The following BBX variants were observed in gnomAD, a reference collection of about 807,000 sequenced individuals.
The protein encoded by BBX is BBX high mobility group box domain containing.
In BBX, 30 loss-of-function variants were observed where a neutral mutation model predicts 100.2. The observed-to-expected ratio is 0.30, with a 90% CI of 0.22 to 0.41. BBX has a LOEUF of 0.41. Among genes scored for constraint, BBX ranks in the 10% least tolerant of loss-of-function variants. The probability of loss-of-function intolerance (pLI) is 1.00; values close to 1 mark genes in which losing one functional copy is unlikely to be tolerated. For missense variants in BBX, 1,023 were observed against 1,129.8 expected (o/e 0.91, Z 1.35); for synonymous variants, 376 against 388.1 (o/e 0.97, Z 0.37).
intron 7 of BBX, among the ~76,000 whole-genome samples, chr3:107,743,660 C>T (rs1440593340): frequency 6.6e-6 from 1 of 152,192 alleles, no homozygotes; most frequent in Non-Finnish European, 1.5e-5. Context: ...GGAGCATAAT[C>T]TGGGTAACTA....
At chr3:107,697,567 G>A (rs947496198) in intron 3 of BBX, among the ~76,000 whole-genome samples, 4 of 151,912 alleles carry the variant, frequency 2.6e-5, no homozygotes, top group African/African-American at 9.7e-5. Context: ...CAGATCTCCA[G>A]CCGCGTGCTG....
intron 2 of BBX, among the ~76,000 whole-genome samples, chr3:107,580,128 G>C (rs945884941): frequency 3.3e-5 from 5 of 151,838 alleles, no homozygotes; most frequent in African/African-American, 1.2e-4. Flanking sequence ...GCAGTTAATT[G>C]GGTCTAGTTC....
chr3:107,556,330 T>C (rs1262383916), intron 2 of BBX, among the ~76,000 whole-genome samples: 1 of 152,248 alleles, frequency 6.6e-6, no homozygotes, highest in Non-Finnish European at 1.5e-5. Context: ...TCATATTAGA[T>C]TCATAATTTT....
chr3:107,607,473 T>A (rs1384216024), intron 2 of BBX, among the ~76,000 whole-genome samples: 2 of 152,186 alleles, frequency 1.3e-5, no homozygotes, highest in Non-Finnish European at 2.9e-5. Context: ...GACACTTAGG[T>A]TGCTTCCAAA....
At chr3:107,691,932 A>T (rs2060197575) in intron 3 of BBX, among the ~76,000 whole-genome samples, 1 of 152,028 alleles carries the variant, frequency 6.6e-6, no homozygotes, top group Admixed American at 6.6e-5. Flanking sequence ...TTTTGAGAAA[A>T]ATATTTTTGT....
intron 2 of BBX, among the ~76,000 whole-genome samples, chr3:107,540,675 A>G (rs2048803375): frequency 6.6e-6 from 1 of 152,202 alleles, no homozygotes; most frequent in South Asian, 2.1e-4. Flanking sequence ...AAAGGTTGCT[A>G]TTAACATACT....
intron 2 of BBX, among the ~76,000 whole-genome samples, chr3:107,598,536 T>C (rs1180081728): frequency 6.6e-6 from 1 of 152,230 alleles, no homozygotes; most frequent in Non-Finnish European, 1.5e-5. Flanking sequence ...TAAGATTACT[T>C]TCTGCTTCCC....
intron 5 of BBX, among the ~76,000 whole-genome samples, chr3:107,723,835 A>G (rs2062719794): frequency 1.3e-5 from 2 of 152,178 alleles, no homozygotes; most frequent in South Asian, 4.2e-4. Context: ...GTTGGTTCCA[A>G]GTCTTTGCTA....
chr3:107,762,705 G>A (rs2065990820), intron 10 of BBX, among the ~76,000 whole-genome samples: 1 of 152,148 alleles, frequency 6.6e-6, no homozygotes, highest in African/African-American at 2.4e-5. Context: ...GTGTCAGTAG[G>A]TCTGTTTTCA....
At chr3:107,780,002 A>G (rs1238102668) in intron 13 of BBX, among the ~76,000 whole-genome samples, 1 of 152,170 alleles carries the variant, frequency 6.6e-6, no homozygotes. Context: ...TGCATCGCCA[A>G]GTTTGCTCGT....
intron 2 of BBX, among the ~76,000 whole-genome samples, chr3:107,569,967 G>C (rs1382281297): frequency 6.6e-6 from 1 of 152,196 alleles, no homozygotes; most frequent in Non-Finnish European, 1.5e-5. Flanking sequence ...AGTTCCAGGG[G>C]CTCTGGGAGT....
At position 107,778,410 on chromosome 3, in the gene BBX, C is replaced by T. The variant is rs1278531091; in HGVS notation, c.2094C>T (p.Asn698=). The T allele has an allele frequency of 1.2e-6, 2 of 1,613,360 alleles. No homozygotes were observed. The highest frequency in any genetic ancestry group is 1.7e-5 in the Admixed American group (1 of 59,926). ...KLDEEFEKKF[N]SLPQYSPVTF... ...ATGAAGAATTTGAAAAAAAATTCAA[C>T]AGCCTCCCTCAATATAGTCCTGTTA... The change falls in exon 13 of 18, where the codon AAC becomes AAT. Residue 698 remains asparagine, a synonymous_variant. Coordinates refer to ENST00000325805, the MANE Select transcript of BBX (RefSeq NM_001142568.3).
rs2061573445 is a variant in BBX at position 107,709,293 on chromosome 3, T to C, written c.-9-1159T>C. On this transcript the variant is annotated intron_variant, in intron 3 of 17. Coordinates refer to ENST00000325805, the MANE Select transcript of BBX (RefSeq NM_001142568.3). Reference sequence around the variant, plus strand: ...AGGAAGACCTAGGCATGACCCAGAATCCAGAAATAAGGAAGACAGATAACC... The same window carrying C: ...AGGAAGACCTAGGCATGACCCAGAACCCAGAAATAAGGAAGACAGATAACC... Among the ~76,000 whole-genome samples, 4 of 152,174 alleles carry C rather than the reference T, an allele frequency of 2.6e-5. No homozygotes were observed. The South Asian group carries it at 8.3e-4, about 32-fold the overall frequency.
At chr3:107,591,059 T>C (rs548698186) in intron 2 of BBX, among the ~76,000 whole-genome samples, 211 of 152,370 alleles carry the variant, frequency 1.4e-3, no homozygotes, top group Non-Finnish European at 2.6e-3. Flanking sequence ...CCCTTGTGAT[T>C]TGGCCAATTT....
intron 3 of BBX, among the ~76,000 whole-genome samples, chr3:107,701,932 A>G (rs967833699): frequency 1.3e-5 from 2 of 152,202 alleles, no homozygotes; most frequent in Non-Finnish European, 2.9e-5. Context: ...TCTAGCTAGC[A>G]TTGTCACATT....
At chr3:107,642,270 A>G (rs1418677439) in intron 2 of BBX, among the ~76,000 whole-genome samples, 1 of 152,250 alleles carries the variant, frequency 6.6e-6, no homozygotes, top group Non-Finnish European at 1.5e-5. Flanking sequence ...ACACAACTCC[A>G]TTATATTACA....
chr3:107,782,145 A>G (rs2067959878), intron 13 of BBX, among the ~76,000 whole-genome samples: 1 of 152,098 alleles, frequency 6.6e-6, no homozygotes, highest in Non-Finnish European at 1.5e-5. Flanking sequence ...TACCTGATAC[A>G]ATTTTGAGTT....
chr3:107,737,444 A>T (rs1165212498), intron 7 of BBX, among the ~76,000 whole-genome samples: 1 of 152,164 alleles, frequency 6.6e-6, no homozygotes, highest in African/African-American at 2.4e-5. Context: ...CAGTATAGGA[A>T]GTCCAAAGTC....
chr3:107,532,505 G>A (rs2048231247), intron 2 of BBX, among the ~76,000 whole-genome samples: 1 of 152,214 alleles, frequency 6.6e-6, no homozygotes, highest in African/African-American at 2.4e-5. Flanking sequence ...AGATTGAGAA[G>A]TGTTACATAT....
Sources: allele counts gnomAD v4.1 joint callset (sites outside exome capture counted in the v4.1 genomes callset), GRCh38; gene constraint gnomAD v4.1.1; transcripts MANE v1.5; gene names NCBI Gene and HGNC (gene_info 2026-07-23, HGNC 2026-07-21).